Variants in GRIN2B observed in about 807,000 individuals in gnomAD.
GRIN2B encodes the protein glutamate ionotropic receptor NMDA type subunit 2B, also known as glutamate receptor ionotropic, NMDA 2B.
A neutral mutation model predicts 114.5 loss-of-function variants in GRIN2B; 5 were observed. The observed-to-expected ratio is 0.04, with a 90% CI of 0.02 to 0.09. The LOEUF (loss-of-function observed/expected upper bound fraction) is 0.09. Ranked by LOEUF, GRIN2B falls within the 10% of genes least tolerant of loss-of-function variation. The pLI is 1.00. For missense variants in GRIN2B, 1,108 were observed against 1,943.5 expected (o/e 0.57, Z 8.08); for synonymous variants, 787 against 745.1 (o/e 1.06, Z -0.92).
At chr12:13,795,879 C>A (rs1160210120) in intron 3 of GRIN2B, among the ~76,000 whole-genome samples, 1 of 151,846 alleles carries the variant, frequency 6.6e-6, no homozygotes, top group Admixed American at 6.6e-5. Context: ...GGGAATTGAA[C>A]AATGAGAACA....
intron 2 of GRIN2B, among the ~76,000 whole-genome samples, chr12:13,961,672 G>C (rs1867694595): frequency 6.6e-6 from 1 of 152,164 alleles, no homozygotes; most frequent in Non-Finnish European, 1.5e-5. Context: ...AAAAATCTAA[G>C]AGTAGTTATT....
chr12:13,715,539 T>C (rs919006899), intron 4 of GRIN2B, among the ~76,000 whole-genome samples: 5 of 151,882 alleles, frequency 3.3e-5, no homozygotes, highest in Admixed American at 2.6e-4. Flanking sequence ...GCATGCATGA[T>C]TGGATAAATA....
At chr12:13,966,034 C>T (rs927893261) in intron 2 of GRIN2B, among the ~76,000 whole-genome samples, 35 of 152,276 alleles carry the variant, frequency 2.3e-4, no homozygotes, top group African/African-American at 8.2e-4. Flanking sequence ...GAAAGAGCCC[C>T]GGACATGAGA....
intron 2 of GRIN2B, among the ~76,000 whole-genome samples, chr12:13,882,356 A>T (rs1866084403): frequency 6.6e-6 from 1 of 152,242 alleles, no homozygotes; most frequent in Non-Finnish European, 1.5e-5. Flanking sequence ...GCACCAAAGC[A>T]GGAATTCCCC....
At chr12:13,872,129 G>A (rs1347981129) in intron 2 of GRIN2B, among the ~76,000 whole-genome samples, 1 of 151,916 alleles carries the variant, frequency 6.6e-6, no homozygotes, top group African/African-American at 2.4e-5. Flanking sequence ...CGGAAAGCTT[G>A]ATTCTAGATT....
intron 5 of GRIN2B, among the ~76,000 whole-genome samples, chr12:13,629,902 TC>T (rs1949603218): frequency 6.6e-6 from 1 of 152,178 alleles, no homozygotes; most frequent in South Asian, 2.1e-4. Flanking sequence ...AAGAAGTGTT[TC>T]CTTACCACAC....
chr12:13,895,417 T>A (rs1312628996), intron 2 of GRIN2B, among the ~76,000 whole-genome samples: 2 of 152,178 alleles, frequency 1.3e-5, no homozygotes, highest in Non-Finnish European at 2.9e-5. Context: ...GAAAAAGCAG[T>A]TGGAAGTATG....
At chr12:13,734,193 C>G (rs933745607) in intron 4 of GRIN2B, among the ~76,000 whole-genome samples, 1 of 152,134 alleles carries the variant, frequency 6.6e-6, no homozygotes, top group Non-Finnish European at 1.5e-5. Context: ...TTGAAAAATA[C>G]AAAATTCATA....
intron 5 of GRIN2B, among the ~76,000 whole-genome samples, chr12:13,647,421 A>C (rs1170353565): frequency 1.3e-5 from 2 of 152,152 alleles, no homozygotes; most frequent in African/African-American, 2.4e-5. Context: ...AATGCTGTCC[A>C]ATCCACCATG....
chr12:13,936,929 C>T (rs1867139174), intron 2 of GRIN2B, among the ~76,000 whole-genome samples: 1 of 151,600 alleles, frequency 6.6e-6, no homozygotes, highest in African/African-American at 2.4e-5. Context: ...ATGGGCTTAA[C>T]AGCAAATTGG....
At chr12:13,933,066 C>A (rs1417560853) in intron 2 of GRIN2B, among the ~76,000 whole-genome samples, 1 of 152,010 alleles carries the variant, frequency 6.6e-6, no homozygotes, top group Non-Finnish European at 1.5e-5. Flanking sequence ...CAGCTTACAG[C>A]TCTCACCAGA....
chr12:13,895,399 A>C lies in GRIN2B; in HGVS notation c.-18-29173T>G, dbSNP rs78169045. On this transcript the variant is annotated intron_variant, in intron 2 of 13. Coordinates refer to ENST00000609686, the MANE Select transcript of GRIN2B (RefSeq NM_000834.5). ...ACCATTTTGTATGTTCCTTCATTAA[A>C]GGGACTTGAAAAAGCAGTTGGAAGT... Among the ~76,000 whole-genome samples the C allele has an allele frequency of 3.0e-3, 463 of 152,328 alleles. 2 individuals carry two copies. Among genetic ancestry groups the C allele is most frequent in the African/African-American group, 0.01 (422 of 41,578 alleles).
At chr12:13,743,103 G>T (rs982203922) in intron 4 of GRIN2B, among the ~76,000 whole-genome samples, 8 of 152,110 alleles carry the variant, frequency 5.3e-5, no homozygotes, top group African/African-American at 1.9e-4. Context: ...CTGGGTTACT[G>T]GGACTCCACA....
At chr12:13,885,597 C>G (rs1866142334) in intron 2 of GRIN2B, among the ~76,000 whole-genome samples, 1 of 152,180 alleles carries the variant, frequency 6.6e-6, no homozygotes, top group South Asian at 2.1e-4. Flanking sequence ...CTCTGTCACT[C>G]AACCCAGTGC....
rs576343433 is a variant in GRIN2B at position 13,701,914 on chromosome 12, T to C, written c.1011-26055A>G. On this transcript the variant is annotated intron_variant, in intron 4 of 13. Coordinates refer to ENST00000609686, the MANE Select transcript of GRIN2B (RefSeq NM_000834.5). ...TGTGAGAAGAATCCTTGAAGGCCTGTTGAAAAATTCATATGCAACTCCTCT... is the reference window on the plus strand; with the variant it reads ...TGTGAGAAGAATCCTTGAAGGCCTGCTGAAAAATTCATATGCAACTCCTCT... 5.3e-5 allele frequency among the ~76,000 whole-genome samples: 8 copies of C among 152,344 alleles called. No individual in the cohort carries two copies. In the South Asian group the frequency reaches 1.0e-3, roughly 20 times the overall value.
At chr12:13,839,525 C>T (rs1053088673) in intron 3 of GRIN2B, among the ~76,000 whole-genome samples, 1 of 152,180 alleles carries the variant, frequency 6.6e-6, no homozygotes, top group African/African-American at 2.4e-5. Flanking sequence ...GCTTATAGCT[C>T]AACGAAGCAC....
chr12:13,746,931 C>A (rs1020771290), intron 4 of GRIN2B, among the ~76,000 whole-genome samples: 5 of 152,206 alleles, frequency 3.3e-5, no homozygotes, highest in African/African-American at 7.2e-5. Flanking sequence ...GAAGCAGATG[C>A]TGGCACCGTG....
chr12:13,724,354 T>C (rs1351154022), intron 4 of GRIN2B, among the ~76,000 whole-genome samples: 3 of 152,100 alleles, frequency 2.0e-5, no homozygotes, highest in African/African-American at 4.8e-5. Context: ...AGGAAGCACA[T>C]GTAGGAGTGA....
Position 13,707,954 on chromosome 12 carries a change from C to G in GRIN2B, c.1011-32095G>C, listed in dbSNP as rs188037280. On this transcript the variant is annotated intron_variant, in intron 4 of 13. Transcript: ENST00000609686. ...CACAGAGCTCTTGTAGAGAGCTGAT[C>G]TGCTGGACCCAAGCTGAAGGTCTAA... Among the ~76,000 whole-genome samples the G allele has an allele frequency of 6.3e-3, 954 of 152,122 alleles. 4 individuals carry two copies. Among genetic ancestry groups the G allele is most frequent in the Admixed American group, 0.015 (226 of 15,256 alleles).
Sources: gnomAD v4.1 joint callset for allele counts (sites outside exome capture counted in the v4.1 genomes callset) on GRCh38, gnomAD v4.1.1 for gene constraint, MANE v1.5 for transcripts, NCBI Gene and HGNC (gene_info 2026-07-23, HGNC 2026-07-21) for gene names.